FN1: variants seen among roughly 807,000 people sequenced by gnomAD.
The protein encoded by FN1 is fibronectin.
A neutral mutation model predicts 297.3 loss-of-function variants in FN1; 106 were observed. The observed-to-expected ratio is 0.36, with a 90% CI of 0.30 to 0.42. The LOEUF (loss-of-function observed/expected upper bound fraction) is 0.42. Ranked by LOEUF, FN1 falls within the 10% of genes least tolerant of loss-of-function variation. FN1 has a pLI of 1.00. For synonymous variants in FN1, 1,149 were observed against 1,152.6 expected, an observed-to-expected ratio of 1.00 and a Z score of 0.06; for missense variants, 2,690 against 3,124.9, an observed-to-expected ratio of 0.86 and a Z score of 3.32.
chr2:215,431,798 A>G, intron 4 of FN1, 35 bp downstream of exon 4: 2 of 1,612,840 alleles, frequency 1.2e-6, no homozygotes, highest in Middle Eastern at 3.3e-4. Context: ...AGAACTAAGC[A>G]TCCCAGCTCT....
chr2:215,413,835 G>A (rs1041676917), intron 13 of FN1, among the ~76,000 whole-genome samples: 1 of 152,232 alleles, frequency 6.6e-6, no homozygotes, highest in Non-Finnish European at 1.5e-5. Flanking sequence ...ACCTGGCTGA[G>A]TATAGAAGAC....
chr2:215,434,048 G>A (rs1559620550), intron 2 of FN1, among the ~76,000 whole-genome samples: 1 of 152,250 alleles, frequency 6.6e-6, no homozygotes. Flanking sequence ...GTTGCAGTGA[G>A]CTGAGATAGT....
rs1233932664 is a variant in FN1, at chr2:215,406,463, C to T, written c.2761G>A (p.Val921Met). 22 of 1,614,046 alleles carry T rather than the reference C, an allele frequency of 1.4e-5. No individual in the cohort carries two copies. The highest frequency in any genetic ancestry group is 3.3e-5 in the Admixed American group (2 of 60,006). Residue 921 changes from valine to methionine, a missense_variant, in exon 19 of 46, where the codon GTG becomes ATG. Val to Met is a conservative substitution (Grantham distance 21, BLOSUM62 1). Around this residue, in one of 3 missense-constraint regions of FN1, gnomAD observed 71 missense variants for 121.7 expected, o/e 0.58. Transcript: ENST00000354785. ...RDLQFVEVTD[V>M]KVTIMWTPPE... ...GGTGTCCACATGATGGTGACCTTCA[C>T]GTCTGTCACTTCCACAAACTGCAGG... is the stretch of plus-strand genomic sequence containing the variant.
Position 215,386,884 on chromosome 2 carries a change from G to A in FN1, c.4417C>T (p.Arg1473Ter). 6.2e-7 allele frequency: 1 copy of A among 1,613,602 alleles called. No individual in the cohort carries two copies. Among genetic ancestry groups the A allele is most frequent in the Non-Finnish European group, 8.5e-7 (1 of 1,179,822 alleles). ...ATCCTGTAGCCAGTGATGGTGGCTC[G>A]AGGAGCAATCCAGTGCACAGTAAAA... ...NSFTVHWIAP[R>*]ATITGYRIRH... The change falls in exon 28 of 46, where the codon CGA (arginine) becomes TGA (stop). Residue 1473 changes from arginine to a stop codon, truncating the protein, a stop_gained. Transcript: ENST00000354785. LOFTEE classifies it high-confidence loss of function.
chr2:215,422,085 G>T lies in FN1; in HGVS notation c.1546+6C>A. ...CTCAAATATTTTTGTTAATCAGCCA[G>T]CATACCTCGAAGCTGCGAGTAGGCA... On this transcript the variant is annotated splice_donor_region_variant and intron_variant, in intron 10 of 45. Coordinates refer to ENST00000354785, the MANE Select transcript of FN1 (RefSeq NM_212482.4). 6.2e-7 allele frequency: 1 copy of T among 1,613,942 alleles called. No homozygotes were observed. Among genetic ancestry groups the T allele is most frequent in the Non-Finnish European group, 8.5e-7 (1 of 1,179,858 alleles).
chr2:215,426,428 G>A (rs548419640), intron 6 of FN1, among the ~76,000 whole-genome samples: 12 of 152,040 alleles, frequency 7.9e-5, no homozygotes, highest in Admixed American at 3.9e-4. Context: ...GATTACAGGC[G>A]TGAGCCACCG....
intron 9 of FN1, among the ~76,000 whole-genome samples, chr2:215,422,970 GCT>G (rs1023032094): frequency 6.6e-6 from 1 of 152,114 alleles, no homozygotes; most frequent in Non-Finnish European, 1.5e-5. Context: ...CAATATTGTA[GCT>G]CTGTGACTAA....
chr2:215,412,571 G>A (rs948834263), intron 13 of FN1, among the ~76,000 whole-genome samples: 1 of 152,034 alleles, frequency 6.6e-6, no homozygotes, highest in Admixed American at 6.5e-5. Flanking sequence ...CAAGTAGCTG[G>A]GACTACAGGT....
intron 26 of FN1, among the ~76,000 whole-genome samples, chr2:215,389,361 T>C (rs1285842983): frequency 6.6e-6 from 1 of 151,926 alleles, no homozygotes; most frequent in Admixed American, 6.6e-5. Flanking sequence ...CCTTGGCCTC[T>C]CAAAGTGCTG....
intron 23 of FN1, among the ~76,000 whole-genome samples, chr2:215,396,333 T>C (rs537593887): frequency 2.6e-5 from 4 of 152,336 alleles, no homozygotes; most frequent in African/African-American, 9.6e-5. Context: ...AAGTAATGGG[T>C]ATCTAAAATT....
intron 26 of FN1, among the ~76,000 whole-genome samples, chr2:215,390,433 C>T (rs1184063128): frequency 6.6e-6 from 1 of 152,164 alleles, no homozygotes; most frequent in African/African-American, 2.4e-5. Context: ...AATTGGCCCA[C>T]CTCAGCCTCC....
intron 21 of FN1, 26 bp downstream of exon 21, chr2:215,399,231 A>G: frequency 1.9e-6 from 3 of 1,540,148 alleles, no homozygotes; most frequent in Non-Finnish European, 2.7e-6. Context: ...GCTGTATCAC[A>G]GAGATTAGGA....
chr2:215,411,000 A>T (rs2062545541), intron 13 of FN1, among the ~76,000 whole-genome samples: 1 of 152,186 alleles, frequency 6.6e-6, no homozygotes, highest in Non-Finnish European at 1.5e-5. Flanking sequence ...GTCCTGAAAA[A>T]ACAAAGGCAG....
rs1234204455 is a variant in FN1 at position 215,380,972 on chromosome 2, G to T, written c.5273C>A (p.Ser1758Ter). 2 of 1,614,216 alleles carry T rather than the reference G, an allele frequency of 1.2e-6. No individual in the cohort carries two copies. The highest frequency in any genetic ancestry group is 1.1e-5 in the South Asian group (1 of 91,088). ...CTCATGGATTCCATCCTCAGGGCTC[G>T]AGTAGGTCACCCTGTACCTGGAAAC... The part of the protein sequence containing the change: ...GQVSRYRVTY[S>*]SPEDGIHELF... The change falls in exon 33 of 46, where the codon TCG (serine) becomes TAG (stop). Residue 1758 changes from serine (S) to a stop codon, truncating the protein, a stop_gained. Transcript: ENST00000354785. LOFTEE classifies it high-confidence loss of function.
At chr2:215,422,731 G>A (rs1222664359) in intron 9 of FN1, among the ~76,000 whole-genome samples, 5 of 152,098 alleles carry the variant, frequency 3.3e-5, no homozygotes, top group Non-Finnish European at 4.4e-5. Flanking sequence ...AGTGCCTACC[G>A]CCCAGGCTCT....
intron 20 of FN1, among the ~76,000 whole-genome samples, chr2:215,399,629 T>C (rs181623930): frequency 6.6e-6 from 1 of 152,258 alleles, no homozygotes; most frequent in Non-Finnish European, 1.5e-5. Flanking sequence ...ACACAGATAA[T>C]ACCAATTCTG....
chr2:215,393,836 G>A (rs2059998473), intron 24 of FN1: 2 of 153,052 alleles, frequency 1.3e-5, no homozygotes, highest in Admixed American at 1.3e-4. Context: ...CATGTAATTA[G>A]CGTTAGTAAA....
chr2:215,424,688 G>T (rs920644452), intron 7 of FN1, among the ~76,000 whole-genome samples: 1 of 152,156 alleles, frequency 6.6e-6, no homozygotes, highest in Non-Finnish European at 1.5e-5. Flanking sequence ...AGACTATTCT[G>T]GGGGAGAATT....
intron 25 of FN1, 92 bp downstream of exon 25, chr2:215,392,839 T>C (rs189363424): frequency 7.1e-5 from 102 of 1,444,944 alleles, no homozygotes; most frequent in Non-Finnish European, 9.5e-5. Context: ...AATTGCTGAC[T>C]TCCCCCATGA....
Sources: gnomAD v4.1 joint callset for allele counts (sites outside exome capture counted in the v4.1 genomes callset) on GRCh38, gnomAD v4.1.1 for gene constraint, gnomAD v4.1.1 regional missense constraint, MANE v1.5 for transcripts, NCBI Gene and HGNC (gene_info 2026-07-23, HGNC 2026-07-21) for gene names.